SCAPER: variants seen among roughly 807,000 people sequenced by gnomAD.
The protein encoded by SCAPER is S-phase cyclin A associated protein in the ER, also known as S phase cyclin A-associated protein in the endoplasmic reticulum.
SCAPER carries 98 observed loss-of-function variants against 182.2 expected under a neutral mutation model. The ratio of observed to expected loss-of-function variants is 0.54; its 90% CI spans 0.46 to 0.64. The LOEUF (loss-of-function observed/expected upper bound fraction) is 0.64. Ranked by LOEUF, SCAPER falls within the 30% of genes least tolerant of loss-of-function variation. SCAPER has a pLI of 0.00. For missense variants in SCAPER, 1,432 were observed against 1,690.0 expected (o/e 0.85, Z 2.68); for synonymous variants, 605 against 564.6 (o/e 1.07, Z -1.01).
intron 14 of SCAPER, among the ~76,000 whole-genome samples, chr15:76,760,487 G>A (rs1424209563): frequency 6.6e-6 from 1 of 152,134 alleles, no homozygotes; most frequent in African/African-American, 2.4e-5. Flanking sequence ...CAACCCAGAA[G>A]CTCCCCAAAG....
At chr15:76,775,240 AGAG>A (rs2063679081) in intron 8 of SCAPER, 123 bp from the exon 9 acceptor site, 7 of 792,080 alleles carry the variant, frequency 8.8e-6, no homozygotes, top group Middle Eastern at 3.8e-4. Flanking sequence ...TACAAACATG[AGAG>A]TATTATACAA....
At chr15:76,506,254 G>A (rs2041571038) in intron 23 of SCAPER, among the ~76,000 whole-genome samples, 2 of 152,226 alleles carry the variant, frequency 1.3e-5, no homozygotes, top group South Asian at 4.1e-4. Flanking sequence ...ATAACTAAAA[G>A]AATATAGTTG....
chr15:76,765,426 G>C lies in SCAPER; in HGVS notation c.1524C>G (p.Ser508=). The stretch of plus-strand genomic sequence containing the variant: ...GTTCTTCTTCTACAATGTCCCCCCA[G>C]GATGTATTTTGGCGCCAAGACTCAC... The part of the protein sequence containing the change: ...EARESWRQNT[S]WGDIVEEEPA... The change falls in exon 13 of 32, where the codon TCC becomes TCG. Residue 508 remains serine (S), a synonymous_variant. Transcript: ENST00000563290. 7 of 1,613,898 alleles carry C rather than the reference G, an allele frequency of 4.3e-6. No homozygotes were observed. The highest frequency in any genetic ancestry group is 5.9e-6 in the Non-Finnish European group (7 of 1,179,848).
intron 5 of SCAPER, among the ~76,000 whole-genome samples, chr15:76,823,147 A>T (rs965252278): frequency 3.3e-5 from 5 of 152,188 alleles, no homozygotes; most frequent in African/African-American, 1.2e-4. Context: ...TTTTTCACTT[A>T]TAAGTGTTTT....
In SCAPER at chr15:76,683,202, GA is replaced by G. The variant is rs754446859; in HGVS notation, c.2509-17414del. Among the ~76,000 whole-genome samples, 1,039 of 149,024 alleles carry G rather than the reference GA, an allele frequency of 7.0e-3. 6 individuals are homozygous for G. Among genetic ancestry groups the G allele is most frequent in the African/African-American group, 0.022 (895 of 40,692 alleles). On this transcript the variant is annotated intron_variant, in intron 20 of 31. Transcript: ENST00000563290. Reference sequence around the variant, plus strand: ...TTAAAAAATGAAACACTCATTTTATGAAAAAAAAAATTGATCTGATAGAGCT... The same window carrying G: ...TTAAAAAATGAAACACTCATTTTATGAAAAAAAAATTGATCTGATAGAGCT...
chr15:76,543,038 G>C (rs926298816), intron 23 of SCAPER, among the ~76,000 whole-genome samples: 1 of 151,830 alleles, frequency 6.6e-6, no homozygotes, highest in Non-Finnish European at 1.5e-5. Flanking sequence ...AAATAATTAT[G>C]GGTACATAAT....
At chr15:76,838,525 T>C (rs1173579678) in intron 5 of SCAPER, among the ~76,000 whole-genome samples, 1 of 152,174 alleles carries the variant, frequency 6.6e-6, no homozygotes, top group Non-Finnish European at 1.5e-5. Context: ...GGGTCTTCTC[T>C]ACTTGATCAC....
At chr15:76,464,326 T>C (rs1476952993) in intron 25 of SCAPER, among the ~76,000 whole-genome samples, 1 of 152,148 alleles carries the variant, frequency 6.6e-6, no homozygotes, top group African/African-American at 2.4e-5. Context: ...CATTATAGCA[T>C]ATGACAGAAT....
intron 17 of SCAPER, among the ~76,000 whole-genome samples, chr15:76,728,171 T>C (rs970730189): frequency 2.1e-5 from 3 of 146,098 alleles, no homozygotes; most frequent in Admixed American, 6.9e-5. Flanking sequence ...TTGAAGGTCA[T>C]ACATCATAAT....
intron 7 of SCAPER, 98 bp from the exon 8 acceptor site, chr15:76,795,538 T>C (rs2065266014): frequency 2.4e-6 from 2 of 833,068 alleles, no homozygotes; most frequent in South Asian, 3.1e-5. Context: ...TGCATATGAA[T>C]ATCCACATAT....
chr15:76,567,434 A>G (rs1331411750), intron 23 of SCAPER: 1 of 416,250 alleles, frequency 2.4e-6, no homozygotes, highest in Admixed American at 2.7e-5. Context: ...ACACATGTCT[A>G]CAAATTTAGT....
chr15:76,842,141 T>G (rs1252815604), intron 4 of SCAPER, among the ~76,000 whole-genome samples: 1 of 152,208 alleles, frequency 6.6e-6, no homozygotes, highest in African/African-American at 2.4e-5. Flanking sequence ...GCATTAGGTA[T>G]TATAAGCAAT....
chr15:76,774,149 A>AT (rs1199052863), intron 9 of SCAPER, among the ~76,000 whole-genome samples: 1 of 152,040 alleles, frequency 6.6e-6, no homozygotes, highest in Non-Finnish European at 1.5e-5. Context: ...CTCAAAGTTA[A>AT]TAACAAACCT....
At chr15:76,648,359 T>C (rs956031157) in intron 21 of SCAPER, among the ~76,000 whole-genome samples, 1 of 151,696 alleles carries the variant, frequency 6.6e-6, no homozygotes, top group Non-Finnish European at 1.5e-5. Context: ...CTATCTAAAC[T>C]AGAGAGAAAA....
At chr15:76,863,856 C>T (rs572226191) in intron 2 of SCAPER, among the ~76,000 whole-genome samples, 1 of 152,292 alleles carries the variant, frequency 6.6e-6, no homozygotes, top group Middle Eastern at 3.4e-3. Flanking sequence ...CCTCTTAGGG[C>T]AGTCACTCTT....
chr15:76,763,724 G>C (rs1046676868), intron 14 of SCAPER, among the ~76,000 whole-genome samples: 1 of 151,816 alleles, frequency 6.6e-6, no homozygotes, highest in African/African-American at 2.4e-5. Context: ...TCTTTCTTCT[G>C]CTTCACTGAG....
intron 20 of SCAPER, among the ~76,000 whole-genome samples, chr15:76,668,772 G>C (rs2056803996): frequency 6.6e-6 from 1 of 152,098 alleles, no homozygotes; most frequent in Non-Finnish European, 1.5e-5. Flanking sequence ...TCTATGCCTA[G>C]AACTGTGCCT....
chr15:76,591,786 G>C (rs2469244), intron 22 of SCAPER, among the ~76,000 whole-genome samples: 2 of 152,102 alleles, frequency 1.3e-5, no homozygotes. Context: ...AGGCTGGGCC[G>C]CAGTGGCACA....
chr15:76,686,277 G>T (rs1240113633), intron 20 of SCAPER, among the ~76,000 whole-genome samples: 1 of 151,982 alleles, frequency 6.6e-6, no homozygotes, highest in Non-Finnish European at 1.5e-5. Context: ...ACATTCTACA[G>T]AACAGAAAAT....
Sources: allele counts gnomAD v4.1 joint callset (sites outside exome capture counted in the v4.1 genomes callset), GRCh38; gene constraint gnomAD v4.1.1; transcripts MANE v1.5; gene names NCBI Gene and HGNC (gene_info 2026-07-23, HGNC 2026-07-21).